Variants in TRPM6 observed in about 807,000 individuals in gnomAD.
The protein encoded by TRPM6 is channel kinase 2.
TRPM6 carries 111 observed loss-of-function variants against 247.6 expected under a neutral mutation model. That is an observed-to-expected ratio of 0.45 (90% CI 0.38 to 0.52). The LOEUF (loss-of-function observed/expected upper bound fraction) is 0.52. Among genes scored for constraint, TRPM6 ranks in the 20% least tolerant of loss-of-function variants. The probability of loss-of-function intolerance (pLI) is 0.00; values close to 1 mark genes in which losing one functional copy is unlikely to be tolerated. For missense variants in TRPM6, 2,126 were observed against 2,421.5 expected (o/e 0.88, Z 2.56); for synonymous variants, 892 against 853.8 (o/e 1.04, Z -0.78).
At chr9:74,825,724 A>T (rs1379138874) in intron 7 of TRPM6, among the ~76,000 whole-genome samples, 3 of 152,138 alleles carry the variant, frequency 2.0e-5, no homozygotes, top group Non-Finnish European at 2.9e-5. Flanking sequence ...AAAGACTCTC[A>T]TACCTCCCAT....
intron 19 of TRPM6, among the ~76,000 whole-genome samples, chr9:74,791,320 G>T (rs1827889595): frequency 6.6e-6 from 1 of 152,054 alleles, no homozygotes; most frequent in African/African-American, 2.4e-5. Flanking sequence ...TGGTTGGCCA[G>T]GTAAATATTT....
intron 25 of TRPM6, among the ~76,000 whole-genome samples, chr9:74,768,837 C>T (rs1181160444): frequency 6.6e-6 from 1 of 152,190 alleles, no homozygotes; most frequent in Admixed American, 6.5e-5. Context: ...TCTTTGTCCA[C>T]CTAAAATCCT....
Position 74,780,503 on chromosome 9 carries a change from A to G in TRPM6, c.3209+1859T>C, listed in dbSNP as rs532761143. ...GAAAAGCCAACTCACATGGGGCCAT[A>G]TAAGTCATTGTAGTGACTTAAACTT... is the stretch of plus-strand genomic sequence containing the variant. On this transcript the variant is annotated intron_variant, in intron 23 of 38. Coordinates refer to ENST00000360774, the MANE Select transcript of TRPM6 (RefSeq NM_017662.5). Among the ~76,000 whole-genome samples, 12 of 152,232 alleles carry G rather than the reference A, an allele frequency of 7.9e-5. No individual in the cohort carries two copies. The South Asian group carries it at 2.3e-3, about 29-fold the overall frequency.
At chr9:74,874,790 G>A (rs1831140175) in intron 1 of TRPM6, among the ~76,000 whole-genome samples, 1 of 143,352 alleles carries the variant, frequency 7.0e-6, no homozygotes, top group Non-Finnish European at 1.5e-5. Context: ...ATGTCTCACT[G>A]TGTCACCCAG....
intron 14 of TRPM6, among the ~76,000 whole-genome samples, chr9:74,807,148 C>T (rs540482520): frequency 2.0e-5 from 3 of 152,274 alleles, no homozygotes; most frequent in African/African-American, 7.2e-5. Context: ...GAAAGCCAAG[C>T]TGGGCTTTCA....
intron 1 of TRPM6, among the ~76,000 whole-genome samples, chr9:74,883,090 C>T (rs1417314294): frequency 6.6e-6 from 1 of 152,090 alleles, no homozygotes; most frequent in Non-Finnish European, 1.5e-5. Flanking sequence ...CTATAGATGC[C>T]TCATAAGTGG....
Position 74,762,183 on chromosome 9 carries a change from G to A in TRPM6, c.4488C>T (p.Asp1496=). The A allele has an allele frequency of 6.2e-7, 1 of 1,614,226 alleles. No individual in the cohort carries two copies. The highest frequency in any genetic ancestry group is 8.5e-7 in the Non-Finnish European group (1 of 1,180,022). The part of the protein sequence containing the change: ...RSEQHQKQAQ[D]SSLSDNSTRS... ...TTGTTGAGTTATCAGATAGGGAGCT[G>A]TCCTGGGCCTGCTTCTGGTGCTGTT... The change falls in exon 26 of 39, where the codon GAC becomes GAT. Residue 1496 remains aspartate (D), a synonymous_variant. Coordinates refer to ENST00000360774, the MANE Select transcript of TRPM6 (RefSeq NM_017662.5).
chr9:74,779,895 T>C (rs956976012), intron 23 of TRPM6, among the ~76,000 whole-genome samples: 2 of 152,140 alleles, frequency 1.3e-5, no homozygotes, highest in Non-Finnish European at 2.9e-5. Context: ...AAGTGACGGC[T>C]GGGCGCAGTG....
At chr9:74,882,916 T>C (rs1208098797) in intron 1 of TRPM6, among the ~76,000 whole-genome samples, 1 of 152,208 alleles carries the variant, frequency 6.6e-6, no homozygotes, top group Non-Finnish European at 1.5e-5. Context: ...TTTTTAAGTG[T>C]GTAGCTCAGT....
At position 74,815,428 on chromosome 9, in the gene TRPM6, T is replaced by C. The variant is rs917003134; in HGVS notation, c.1308+1241A>G. ...CCCAAACATGTAAGTCCTCAAAATA[T>C]GTATCTCTCATACTCCCTTTCTCAG... is the stretch of plus-strand genomic sequence containing the variant. On this transcript the variant is annotated intron_variant, in intron 11 of 38. Transcript: ENST00000360774. Among the ~76,000 whole-genome samples, 7 of 152,334 alleles carry C rather than the reference T, an allele frequency of 4.6e-5. No homozygotes were observed. In the South Asian group the frequency reaches 1.0e-3, roughly 23 times the overall value.
Position 74,835,384 on chromosome 9 carries a change from T to C in TRPM6, c.545-1262A>G, listed in dbSNP as rs938433194. Among the ~76,000 whole-genome samples the C allele has an allele frequency of 2.0e-5, 3 of 152,248 alleles. No homozygotes were observed. In the East Asian group the frequency reaches 5.8e-4, roughly 29 times the overall value. ...AAAAATTTTCTCCTATTATGAATGT[T>C]TTTTTTATGCCTAATCTTACCCAAT... On this transcript the variant is annotated intron_variant, in intron 5 of 38. Coordinates refer to ENST00000360774, the MANE Select transcript of TRPM6 (RefSeq NM_017662.5).
At chr9:74,827,631 C>T in intron 7 of TRPM6, 147 bp downstream of exon 7, 1 of 790,794 alleles carries the variant, frequency 1.3e-6, no homozygotes. Context: ...AGGGGAGATG[C>T]CCATGTGGGA....
intron 1 of TRPM6, among the ~76,000 whole-genome samples, chr9:74,871,851 T>A (rs575958563): frequency 6.6e-6 from 1 of 150,682 alleles, no homozygotes; most frequent in Non-Finnish European, 1.5e-5. Flanking sequence ...AACTCAGTAG[T>A]AACTTTTTTT....
chr9:74,810,830 G>C lies in TRPM6; in HGVS notation c.1482C>G (p.Val494=). The change falls in exon 13 of 39, where the codon GTC becomes GTG. Residue 494 remains valine (V), a synonymous_variant. Transcript: ENST00000360774. ...GPTNTLLHHL[V]QDVKQHTLLS... is the part of the protein sequence containing the mutation. ...ATTAGGTTACCTGTTTCACATCTTG[G>C]ACGAGATGATGCAAGAGTGTATTAG... is the stretch of plus-strand genomic sequence containing the variant. The C allele has an allele frequency of 3.1e-6, 5 of 1,613,752 alleles. No homozygotes were observed. Among genetic ancestry groups the C allele is most frequent in the Non-Finnish European group, 4.2e-6 (5 of 1,179,814 alleles).
chr9:74,836,557 CTGT>C (rs1346030831), intron 5 of TRPM6, among the ~76,000 whole-genome samples: 2 of 152,192 alleles, frequency 1.3e-5, no homozygotes, highest in African/African-American at 2.4e-5. Flanking sequence ...TGTGCCAACA[CTGT>C]TGTTGTTTTA....
intron 33 of TRPM6, among the ~76,000 whole-genome samples, chr9:74,740,774 G>A (rs1340820772): frequency 6.6e-6 from 1 of 152,066 alleles, no homozygotes; most frequent in East Asian, 1.9e-4. Context: ...GTGGATTTCA[G>A]CTTGAATTTA....
intron 29 of TRPM6, 25 bp downstream of exon 29, chr9:74,752,252 T>G: frequency 1.4e-6 from 2 of 1,408,672 alleles, no homozygotes; most frequent in Non-Finnish European, 2.0e-6. Flanking sequence ...AATGCTTTTT[T>G]TTTTAACTCC....
chr9:74,766,918 AAG>A (rs1226997491), intron 25 of TRPM6, among the ~76,000 whole-genome samples: 23 of 152,288 alleles, frequency 1.5e-4, no homozygotes, highest in South Asian at 1.0e-3. Flanking sequence ...CTCAAAAAAA[AAG>A]AGAGGTTAGG....
intron 19 of TRPM6, among the ~76,000 whole-genome samples, chr9:74,791,846 C>A (rs1827912258): frequency 6.6e-6 from 1 of 152,162 alleles, no homozygotes; most frequent in East Asian, 1.9e-4. Flanking sequence ...GGCTCTGCCC[C>A]CTGGGGTTCT....
Sources: gnomAD v4.1 joint callset for allele counts (sites outside exome capture counted in the v4.1 genomes callset) on GRCh38, gnomAD v4.1.1 for gene constraint, MANE v1.5 for transcripts, NCBI Gene and HGNC (gene_info 2026-07-23, HGNC 2026-07-21) for gene names.